The following PRRX2 variants were observed in gnomAD, a reference collection of about 807,000 sequenced individuals.
PRRX2 encodes paired related homeobox 2, also known as paired mesoderm homeobox protein 2.
Under a neutral mutation model 18.0 loss-of-function variants are expected in PRRX2, and 11 were observed. That is an observed-to-expected ratio of 0.61 (90% CI 0.39 to 1.01). The LOEUF is 1.01. Ranked by LOEUF, PRRX2 falls within the 50% of genes least tolerant of loss-of-function variation. The pLI, the probability that PRRX2 is intolerant of heterozygous loss-of-function variation, is 0.01. For synonymous variants in PRRX2, 177 were observed against 154.8 expected, an observed-to-expected ratio of 1.14 and a Z score of -1.06; for missense variants, 387 against 351.0, an observed-to-expected ratio of 1.10 and a Z score of -0.82.
rs1419978782 is a variant in PRRX2 at position 129,666,417 on chromosome 9, C to G, written c.259+291C>G. On this transcript the variant is annotated intron_variant, in intron 1 of 3. Transcript: ENST00000372469. ...CCTGGGAAGTGGGTGTGGCTGCTGC[C>G]GGGTTACAACTGGGGAAACAGAGAC... Among the ~76,000 whole-genome samples the G allele has an allele frequency of 3.3e-5, 5 of 152,252 alleles. No homozygotes were observed. The South Asian group carries it at 8.3e-4, about 25-fold the overall frequency.
At chr9:129,707,442 T>C (rs1832570522) in intron 1 of PRRX2, among the ~76,000 whole-genome samples, 1 of 152,150 alleles carries the variant, frequency 6.6e-6, no homozygotes, top group Non-Finnish European at 1.5e-5. Flanking sequence ...ATTTATTCAT[T>C]CACCAGTTGA....
At chr9:129,693,857 T>C (rs1832389428) in intron 1 of PRRX2, among the ~76,000 whole-genome samples, 1 of 152,142 alleles carries the variant, frequency 6.6e-6, no homozygotes, top group African/African-American at 2.4e-5. Context: ...CTTTCTGTGG[T>C]CTATGTGGAA....
intron 1 of PRRX2, among the ~76,000 whole-genome samples, chr9:129,712,299 A>G (rs1832634162): frequency 1.3e-5 from 2 of 152,164 alleles, no homozygotes; most frequent in Non-Finnish European, 2.9e-5. Flanking sequence ...GTCAGGCGCA[A>G]ACTGACTATT....
chr9:129,683,457 C>T (rs369126444), intron 1 of PRRX2, among the ~76,000 whole-genome samples: 2 of 152,018 alleles, frequency 1.3e-5, no homozygotes, highest in Non-Finnish European at 2.9e-5. Flanking sequence ...GGCAGGAGGC[C>T]GGGCGCGGTG....
At chr9:129,676,799 C>A (rs574377807) in intron 1 of PRRX2, among the ~76,000 whole-genome samples, 1 of 152,184 alleles carries the variant, frequency 6.6e-6, no homozygotes, top group Non-Finnish European at 1.5e-5. Flanking sequence ...GAAGCCGAAG[C>A]GTGATGCCCC....
chr9:129,676,662 G>T (rs1832165349), intron 1 of PRRX2, among the ~76,000 whole-genome samples: 1 of 152,204 alleles, frequency 6.6e-6, no homozygotes, highest in African/African-American at 2.4e-5. Flanking sequence ...GAGCTCCCTA[G>T]CCCTCACTGA....
rs998437394 is a variant in PRRX2, at chr9:129,715,777, C to T, written c.260-3454C>T. On this transcript the variant is annotated intron_variant, in intron 1 of 3. Transcript: ENST00000372469. This position sits in a 1 kb window ranked among gnomAD's most constrained non-coding sequence, Gnocchi z 4.0. ...ACACACACACACACACACACACACACACACACACACACACACTCATTTACA... is the reference window on the plus strand; with the variant it reads ...ACACACACACACACACACACACACATACACACACACACACACTCATTTACA... 6.6e-6 allele frequency among the ~76,000 whole-genome samples: 1 copy of T among 151,232 alleles called. No individual in the cohort carries two copies. Among genetic ancestry groups the T allele is most frequent in the Non-Finnish European group, 1.5e-5 (1 of 67,914 alleles).
At chr9:129,712,159 G>C (rs12683766) in intron 1 of PRRX2, among the ~76,000 whole-genome samples, 1 of 152,238 alleles carries the variant, frequency 6.6e-6, no homozygotes, top group South Asian at 2.1e-4. Flanking sequence ...CCAAGGACCC[G>C]TTGTTTGTTT....
At chr9:129,670,522 G>A (rs992467156) in intron 1 of PRRX2, among the ~76,000 whole-genome samples, 3 of 152,082 alleles carry the variant, frequency 2.0e-5, no homozygotes, top group Admixed American at 1.3e-4. Context: ...TTACAGGTGC[G>A]TGCCACCATA....
chr9:129,690,312 AG>A (rs1488356436), intron 1 of PRRX2, among the ~76,000 whole-genome samples: 1 of 152,078 alleles, frequency 6.6e-6, no homozygotes, highest in East Asian at 1.9e-4. Flanking sequence ...AACTCACTTT[AG>A]AAAGGCCCCT....
intron 1 of PRRX2, chr9:129,713,406 C>T (rs1832656584): frequency 6.6e-6 from 1 of 152,258 alleles, no homozygotes; most frequent in African/African-American, 2.4e-5. Context: ...GGGGTGAGGG[C>T]TTCCTTTAGG....
At chr9:129,689,590 G>T (rs528052858) in intron 1 of PRRX2, among the ~76,000 whole-genome samples, 1 of 152,022 alleles carries the variant, frequency 6.6e-6, no homozygotes, top group East Asian at 1.9e-4. Context: ...GGTCTGATGC[G>T]CAAAGACCTT....
chr9:129,687,904 G>A (rs1832315230), intron 1 of PRRX2, among the ~76,000 whole-genome samples: 1 of 152,152 alleles, frequency 6.6e-6, no homozygotes, highest in Non-Finnish European at 1.5e-5. Context: ...GATGAGAAAG[G>A]GCTTTCTGGA....
intron 2 of PRRX2, 75 bp from the exon 3 acceptor site, chr9:129,720,521 A>G: frequency 7.2e-7 from 1 of 1,390,984 alleles, no homozygotes; most frequent in Non-Finnish European, 9.7e-7. Context: ...GTGACAGAGC[A>G]GGCACACACC....
intron 1 of PRRX2, among the ~76,000 whole-genome samples, chr9:129,704,040 G>T (rs28726099): frequency 0.029 from 4,360 of 152,342 alleles, 213 homozygotes; most frequent in African/African-American, 0.099. Context: ...CATGGAGCTG[G>T]TGCTTTAGGG....
intron 1 of PRRX2, among the ~76,000 whole-genome samples, chr9:129,717,052 T>C (rs942022862): frequency 1.3e-5 from 2 of 151,960 alleles, no homozygotes; most frequent in African/African-American, 4.8e-5. Flanking sequence ...TATTTATTTA[T>C]TTATTTATTT....
intron 3 of PRRX2, 54 bp from the exon 4 acceptor site, chr9:129,722,156 CGAGCACT>C: frequency 6.3e-7 from 1 of 1,576,568 alleles, no homozygotes; most frequent in South Asian, 1.2e-5. Context: ...AGGCTGGGGT[CGAGCACT>C]GATACCCAGA....
In PRRX2 at chr9:129,665,861, C is replaced by A; in HGVS notation, c.-7C>A. On this transcript the variant is annotated 5_prime_UTR_variant, in exon 1 of 4. Transcript: ENST00000372469. The surrounding 1 kb of genome is among the most constrained non-coding windows in gnomAD (Gnocchi z 5.3). Reference sequence around the variant, plus strand: ...CCCCGCCGGCCCCCCCGGGGCCGCTCGCGGGCATGGACAGCGCGGCCGCCG... The same window carrying A: ...CCCCGCCGGCCCCCCCGGGGCCGCTAGCGGGCATGGACAGCGCGGCCGCCG... 1 of 1,041,108 alleles carries A rather than the reference C, an allele frequency of 9.6e-7. No individual in the cohort carries two copies. The highest frequency in any genetic ancestry group is 4.4e-5 in the South Asian group (1 of 22,730). 64.5% of individuals were successfully genotyped at this position (1,041,108 alleles called of 1,614,324 possible). A position where few individuals can be genotyped will look rare whatever the true frequency, so the allele number is the denominator to read the frequency against.
At position 129,715,955 on chromosome 9, in the gene PRRX2, C is replaced by G. The variant is rs1832701597; in HGVS notation, c.260-3276C>G. 6.6e-6 allele frequency among the ~76,000 whole-genome samples: 1 copy of G among 152,164 alleles called. No homozygotes were observed. The highest frequency in any genetic ancestry group is 2.1e-4 in the South Asian group (1 of 4,832). On this transcript the variant is annotated intron_variant, in intron 1 of 3. Transcript: ENST00000372469. The surrounding 1 kb of genome is among the most constrained non-coding windows in gnomAD (Gnocchi z 4.0). The stretch of plus-strand genomic sequence containing the variant: ...AGAAGCTCAGTAACAGTTCACTGAA[C>G]AAATGCCCAGTACTGTGCAAAGAAC...
Sources: allele counts gnomAD v4.1 joint callset (sites outside exome capture counted in the v4.1 genomes callset), GRCh38; gene constraint gnomAD v4.1.1; non-coding constraint Gnocchi (gnomAD v3.1); transcripts MANE v1.5; gene names NCBI Gene and HGNC (gene_info 2026-07-23, HGNC 2026-07-21).